The following PCDH10 variants were observed in gnomAD, a reference collection of about 807,000 sequenced individuals.
PCDH10 encodes protocadherin-10.
A neutral mutation model predicts 74.4 loss-of-function variants in PCDH10; 15 were observed. That is an observed-to-expected ratio of 0.20 (90% CI 0.13 to 0.31). The LOEUF is 0.31. PCDH10 is among the 10% of genes least tolerant of loss of function. The pLI is 1.00. For synonymous variants in PCDH10, 619 were observed against 589.8 expected (o/e 1.05, Z -0.72); for missense variants, 1,260 against 1,390.2 (o/e 0.91, Z 1.49).
Position 133,151,856 on chromosome 4 carries a change from T to C in PCDH10, c.1716T>C (p.Pro572=), listed in dbSNP as rs1252947045. Residue 572 remains proline (P), a synonymous_variant, in exon 1 of 5, where the codon CCT becomes CCC. Coordinates refer to ENST00000264360, the MANE Select transcript of PCDH10 (RefSeq NM_032961.3). ...TAGTGGATCAAAATGACAACGCCCC[T>C]GCCATCGTGGCGCCTCTACCAGGGC... ...ILIVDQNDNA[P]AIVAPLPGRN... 1.2e-6 allele frequency: 2 copies of C among 1,612,966 alleles called. No individual in the cohort carries two copies. The highest frequency in any genetic ancestry group is 1.7e-5 in the Admixed American group (1 of 60,010).
chr4:133,198,282 A>G (rs1285717253), downstream of PCDH10, among the ~76,000 whole-genome samples: 1 of 152,158 alleles, frequency 6.6e-6, no homozygotes, highest in African/African-American at 2.4e-5. Flanking sequence ...TTGCAACAGA[A>G]TATACCAAAC....
At chr4:133,187,625 A>T (rs1727570737) in intron 4 of PCDH10, among the ~76,000 whole-genome samples, 1 of 152,076 alleles carries the variant, frequency 6.6e-6, no homozygotes, top group South Asian at 2.1e-4. Flanking sequence ...TAAATTTAAT[A>T]ATAGGTGATT....
chr4:133,156,853 T>A (rs1049867475), intron 3 of PCDH10, among the ~76,000 whole-genome samples: 1 of 152,216 alleles, frequency 6.6e-6, no homozygotes, highest in African/African-American at 2.4e-5. Flanking sequence ...ATTTGGAAGA[T>A]AGATGAGAAC....
intron 2 of PCDH10, among the ~76,000 whole-genome samples, chr4:133,206,850 C>T (rs962618120): frequency 5.3e-5 from 8 of 152,026 alleles, no homozygotes; most frequent in Admixed American, 2.0e-4. Context: ...TTTGATCTTA[C>T]ATTATTGAGA....
At chr4:133,167,753 C>T (rs1163827893) in intron 4 of PCDH10, among the ~76,000 whole-genome samples, 2 of 151,190 alleles carry the variant, frequency 1.3e-5, no homozygotes, top group Non-Finnish European at 3.0e-5. Context: ...ACCTAATTTT[C>T]TCACTTTTTC....
chr4:133,160,234 A>G (rs1433559688), intron 3 of PCDH10, among the ~76,000 whole-genome samples: 1 of 151,930 alleles, frequency 6.6e-6, no homozygotes, highest in Non-Finnish European at 1.5e-5. Context: ...ATTTATGTAC[A>G]ATTTGAGCCA....
chr4:133,173,362 G>A (rs1341795852), intron 4 of PCDH10, among the ~76,000 whole-genome samples: 1 of 151,956 alleles, frequency 6.6e-6, no homozygotes, highest in African/African-American at 2.4e-5. Context: ...GCAGAAAAGA[G>A]GAAATGTATC....
In PCDH10 at chr4:133,194,038, A is replaced by G. The variant is rs1727739449; in HGVS notation, c.*3878A>G. On this transcript the variant is annotated 3_prime_UTR_variant, in exon 5 of 5. Coordinates refer to ENST00000264360, the MANE Select transcript of PCDH10 (RefSeq NM_032961.3). ...AATTTGTGAAACTGTTCAGTAGAGT[A>G]TTCTTTTCTTCAAATCTTGGCATAG... is the stretch of plus-strand genomic sequence containing the variant. 1 of 151,792 alleles carries G rather than the reference A, an allele frequency of 6.6e-6. No homozygotes were observed. Among genetic ancestry groups the G allele is most frequent in the Non-Finnish European group, 1.5e-5 (1 of 67,748 alleles). 9.4% of individuals were successfully genotyped at this position (151,792 alleles called of 1,614,324 possible).
intron 4 of PCDH10, among the ~76,000 whole-genome samples, chr4:133,179,925 G>A (rs1006865541): frequency 1.3e-5 from 2 of 151,722 alleles, no homozygotes; most frequent in African/African-American, 2.4e-5. Flanking sequence ...CCCTGACTTA[G>A]ATAAATAATA....
chr4:133,167,838 A>T (rs1727118635), intron 4 of PCDH10, among the ~76,000 whole-genome samples: 1 of 151,250 alleles, frequency 6.6e-6, no homozygotes, highest in Middle Eastern at 3.2e-3. Flanking sequence ...AAATTCCTTT[A>T]TCCAGGAATT....
At position 133,190,373 on chromosome 4, in the gene PCDH10, T is replaced by G. The variant is rs971867324; in HGVS notation, c.*213T>G. ...GAAATGTGCAGAACTGTAGAAACTT[T>G]AGAGGCAACAGATTTTGCCTCCCCG... On this transcript the variant is annotated 3_prime_UTR_variant, in exon 5 of 5. Transcript: ENST00000264360. 1.7e-6 allele frequency: 1 copy of G among 593,736 alleles called. No individual in the cohort carries two copies. The highest frequency in any genetic ancestry group is 1.9e-5 in the African/African-American group (1 of 53,506). 36.8% of individuals were successfully genotyped at this position (593,736 alleles called of 1,614,324 possible).
rs542031607 is a variant in PCDH10, at chr4:133,193,702, A to G, written c.*3542A>G. 1.2e-4 allele frequency: 18 copies of G among 151,704 alleles called. No homozygotes were observed. The highest frequency in any genetic ancestry group is 4.3e-4 in the African/African-American group (18 of 41,514). 9.4% of individuals were successfully genotyped at this position (151,704 alleles called of 1,614,324 possible). On this transcript the variant is annotated 3_prime_UTR_variant, in exon 5 of 5. Transcript: ENST00000264360. ...GTCATTGCATGTGTTTTTCCCCCTCATGTTTCTATGTGTGCTATTGATACC... is the reference window on the plus strand; with the variant it reads ...GTCATTGCATGTGTTTTTCCCCCTCGTGTTTCTATGTGTGCTATTGATACC...
At chr4:133,182,359 CA>C (rs1001408770) in intron 4 of PCDH10, among the ~76,000 whole-genome samples, 1 of 150,988 alleles carries the variant, frequency 6.6e-6, no homozygotes, top group Non-Finnish European at 1.5e-5. Context: ...CTGTACTTCT[CA>C]AAAAAAAGGA....
chr4:133,154,909 A>C lies in PCDH10; in HGVS notation c.2691-8A>C. The C allele has an allele frequency of 6.4e-7, 1 of 1,559,090 alleles. No homozygotes were observed. The highest frequency in any genetic ancestry group is 8.8e-7 in the Non-Finnish European group (1 of 1,131,156). ...TTTATTCTAATATTCACATTTTTGT[A>C]CTTCTAGTTCTGCATTCCAGGAAGC... On this transcript the variant is annotated splice_polypyrimidine_tract_variant and splice_region_variant and intron_variant, in intron 2 of 4. Coordinates refer to ENST00000264360, the MANE Select transcript of PCDH10 (RefSeq NM_032961.3).
chr4:133,161,373 AT>A (rs1245168815), intron 3 of PCDH10, among the ~76,000 whole-genome samples: 1 of 152,144 alleles, frequency 6.6e-6, no homozygotes, highest in African/African-American at 2.4e-5. Flanking sequence ...TAACTCCAAA[AT>A]ACTAGAGTTA....
Position 133,152,207 on chromosome 4 carries a change from C to T in PCDH10, c.2067C>T (p.Gly689=), listed in dbSNP as rs773534266. 3.8e-6 allele frequency: 6 copies of T among 1,583,816 alleles called. No individual in the cohort carries two copies. The highest frequency in any genetic ancestry group is 1.2e-5 in the South Asian group (1 of 86,080). ...GCGCCGTGGAGCCCCAGGGCGGGGG[C>T]GGGAGCGGAGGCGGAGGGTCAGGAG... is the stretch of plus-strand genomic sequence containing the variant. ...VDGAVEPQGG[G]GSGGGGSGEH... The change falls in exon 1 of 5, where the codon GGC becomes GGT. Residue 689 remains glycine (G), a synonymous_variant. Coordinates refer to ENST00000264360, the MANE Select transcript of PCDH10 (RefSeq NM_032961.3).
At chr4:133,158,677 T>C (rs17020368) in intron 3 of PCDH10, among the ~76,000 whole-genome samples, 8,253 of 152,186 alleles carry the variant, frequency 0.054, 582 homozygotes, top group African/African-American at 0.17. Flanking sequence ...GTGTCAGCAA[T>C]AGAATTCTTG....
intron 3 of PCDH10, among the ~76,000 whole-genome samples, chr4:133,162,620 G>A (rs985616747): frequency 6.6e-6 from 1 of 152,164 alleles, no homozygotes; most frequent in Middle Eastern, 3.4e-3. Context: ...TATCTGTTAT[G>A]AACTTCACAA....
At position 133,152,178 on chromosome 4, in the gene PCDH10, G is replaced by T. The variant is rs1181583289; in HGVS notation, c.2038G>T (p.Asp680Tyr). ...STATLVVQLV[D>Y]GAVEPQGGGG... The stretch of plus-strand genomic sequence containing the variant: ...CGCCACCCTGGTGGTTCAGCTGGTG[G>T]ATGGCGCCGTGGAGCCCCAGGGCGG... Residue 680 changes from aspartate to tyrosine, a missense_variant, in exon 1 of 5, where the codon GAT (aspartate) becomes TAT (tyrosine). This residue lies in a region of PCDH10 where 587 missense variants were observed against 616.9 expected (regional missense o/e 0.95). Transcript: ENST00000264360. 2 of 1,571,542 alleles carry T rather than the reference G, an allele frequency of 1.3e-6. No individual in the cohort carries two copies. Among genetic ancestry groups the T allele is most frequent in the Admixed American group, 1.8e-5 (1 of 55,758 alleles).
Sources: allele counts gnomAD v4.1 joint callset (sites outside exome capture counted in the v4.1 genomes callset), GRCh38; gene constraint gnomAD v4.1.1; regional missense constraint gnomAD v4.1.1; transcripts MANE v1.5; gene names NCBI Gene and HGNC (gene_info 2026-07-23, HGNC 2026-07-21).